Variants in CRTAC1 observed in about 807,000 individuals in gnomAD.
The protein encoded by CRTAC1 is acidic secreted protein in cartilage.
In CRTAC1, 37 loss-of-function variants were observed where a neutral mutation model predicts 67.8. The observed-to-expected ratio is 0.55, with a 90% CI of 0.42 to 0.72. The LOEUF is 0.72. CRTAC1 is among the 30% of genes least tolerant of loss of function. The pLI is 0.00. For missense variants in CRTAC1, 780 were observed against 931.6 expected, an observed-to-expected ratio of 0.84 and a Z score of 2.12; for synonymous variants, 348 against 371.0, an observed-to-expected ratio of 0.94 and a Z score of 0.71.
chr10:97,944,866 C>A (rs1439513849), intron 2 of CRTAC1, among the ~76,000 whole-genome samples: 1 of 152,158 alleles, frequency 6.6e-6, no homozygotes, highest in Non-Finnish European at 1.5e-5. Flanking sequence ...TGAAAGAGCA[C>A]CAAGGCATCT....
intron 5 of CRTAC1, among the ~76,000 whole-genome samples, chr10:97,912,234 G>A (rs982393563): frequency 6.6e-6 from 1 of 152,232 alleles, no homozygotes; most frequent in Non-Finnish European, 1.5e-5. Context: ...CCTGCTGGGT[G>A]AATAATATCC....
At chr10:97,981,245 GAAAC>G (rs2051886612) in intron 2 of CRTAC1, among the ~76,000 whole-genome samples, 1 of 152,110 alleles carries the variant, frequency 6.6e-6, no homozygotes, top group Non-Finnish European at 1.5e-5. Context: ...ACAAAAATTA[GAAAC>G]AAACAGAAAG....
intron 2 of CRTAC1, among the ~76,000 whole-genome samples, chr10:97,997,981 T>C (rs538666194): frequency 6.6e-6 from 1 of 152,144 alleles, no homozygotes; most frequent in South Asian, 2.1e-4. Flanking sequence ...AGACTTGCTT[T>C]TTTTTTGAGA....
At chr10:97,990,848 A>G (rs1019935883) in intron 2 of CRTAC1, among the ~76,000 whole-genome samples, 8 of 152,212 alleles carry the variant, frequency 5.3e-5, no homozygotes, top group African/African-American at 1.9e-4. Context: ...ATTCATAGGA[A>G]ACTAAGTAAA....
At position 97,938,309 on chromosome 10, in the gene CRTAC1, C is replaced by T. The variant is rs200678738; in HGVS notation, c.225-1943G>A. On this transcript the variant is annotated intron_variant, in intron 2 of 14. Transcript: ENST00000370597. ...AGGAAGTGCCTGTGAGGGCTGAACA[C>T]GAGTCTTGCAAGCCTTGGGGTCTTC... is the stretch of plus-strand genomic sequence containing the variant. Among the ~76,000 whole-genome samples the T allele has an allele frequency of 1.2e-4, 18 of 152,296 alleles. No homozygotes were observed. The East Asian group carries it at 2.1e-3, about 18-fold the overall frequency.
rs936347299 is a variant in CRTAC1 at position 98,030,081 on chromosome 10, C to T, written c.24+368G>A. 2.0e-5 allele frequency among the ~76,000 whole-genome samples: 3 copies of T among 152,130 alleles called. No homozygotes were observed. Among genetic ancestry groups the T allele is most frequent in the African/African-American group, 7.2e-5 (3 of 41,442 alleles). ...GGGAGACTCTCCCGATAGCCCGGCA[C>T]ATCCCTCCTCACCCGCTCCGCCCCC... On this transcript the variant is annotated intron_variant, in intron 1 of 14. Coordinates refer to ENST00000370597, the MANE Select transcript of CRTAC1 (RefSeq NM_018058.7). This position sits in a 1 kb window ranked among gnomAD's most constrained non-coding sequence, Gnocchi z 4.2.
chr10:97,902,918 A>G (rs910608737), intron 7 of CRTAC1, among the ~76,000 whole-genome samples: 1 of 151,928 alleles, frequency 6.6e-6, no homozygotes, highest in Non-Finnish European at 1.5e-5. Flanking sequence ...GCTGGGCCTT[A>G]AGAGCCAGGG....
chr10:98,030,254 G>A lies in CRTAC1; in HGVS notation c.24+195C>T, dbSNP rs1399001218. Among the ~76,000 whole-genome samples, 2 of 152,022 alleles carry A rather than the reference G, an allele frequency of 1.3e-5. No individual in the cohort carries two copies. The highest frequency in any genetic ancestry group is 2.4e-5 in the African/African-American group (1 of 41,416). On this transcript the variant is annotated intron_variant, in intron 1 of 14. Coordinates refer to ENST00000370597, the MANE Select transcript of CRTAC1 (RefSeq NM_018058.7). The surrounding 1 kb of genome is among the most constrained non-coding windows in gnomAD (Gnocchi z 4.2). ...GGCCGCCGCCTCACCCCCAGCCCGC[G>A]GGGGAGGCTCCGCGCGCCAATCGAG...
chr10:97,887,664 C>CA (rs1432576970), intron 11 of CRTAC1, among the ~76,000 whole-genome samples: 1 of 152,218 alleles, frequency 6.6e-6, no homozygotes, highest in African/African-American at 2.4e-5. Context: ...CCTCCTCTGC[C>CA]ACTGTGTTTT....
chr10:97,987,994 T>C (rs996421792), intron 2 of CRTAC1, among the ~76,000 whole-genome samples: 8 of 152,190 alleles, frequency 5.3e-5, no homozygotes, highest in Non-Finnish European at 8.8e-5. Context: ...GCTGGGAAGA[T>C]ATATGCCAGG....
chr10:97,998,956 G>T lies in CRTAC1; in HGVS notation c.224+12182C>A, dbSNP rs1326475400. Among the ~76,000 whole-genome samples, 3 of 152,116 alleles carry T rather than the reference G, an allele frequency of 2.0e-5. No homozygotes were observed. In the East Asian group the frequency reaches 5.8e-4, roughly 29 times the overall value. ...AAAGTAAACCTCTAAAAAAACAAAA[G>T]TAGAGGTATAAATCCCAAATCAATA... On this transcript the variant is annotated intron_variant, in intron 2 of 14. Coordinates refer to ENST00000370597, the MANE Select transcript of CRTAC1 (RefSeq NM_018058.7).
chr10:97,966,998 C>G (rs949282546), intron 2 of CRTAC1, among the ~76,000 whole-genome samples: 17 of 149,888 alleles, frequency 1.1e-4, no homozygotes, highest in Admixed American at 8.0e-4. Flanking sequence ...AAGTCACCCC[C>G]CCCCCCCCGA....
chr10:97,938,004 G>A (rs964484797), intron 2 of CRTAC1, among the ~76,000 whole-genome samples: 3 of 152,212 alleles, frequency 2.0e-5, no homozygotes, highest in African/African-American at 7.2e-5. Flanking sequence ...AGTCTGGCCC[G>A]CTGCATCATC....
At chr10:97,889,460 G>C (rs543360888) in intron 11 of CRTAC1, among the ~76,000 whole-genome samples, 6 of 150,010 alleles carry the variant, frequency 4.0e-5, no homozygotes, top group Non-Finnish European at 7.4e-5. Context: ...TGGTGGGGGG[G>C]GGTCCACTGA....
At chr10:97,900,849 G>A (rs1451154299) in intron 8 of CRTAC1, among the ~76,000 whole-genome samples, 1 of 109,826 alleles carries the variant, frequency 9.1e-6, no homozygotes, top group Non-Finnish European at 1.8e-5. Context: ...TTTCCTGGTA[G>A]TGATTGGACC....
chr10:97,962,280 C>A (rs2051538679), intron 2 of CRTAC1, among the ~76,000 whole-genome samples: 2 of 151,168 alleles, frequency 1.3e-5, no homozygotes, highest in South Asian at 2.1e-4. Flanking sequence ...AGATCACAGC[C>A]AACTACCTCG....
Position 97,961,379 on chromosome 10 carries a change from G to A in CRTAC1, c.225-25013C>T, listed in dbSNP as rs761823705. Reference sequence around the variant, plus strand: ...GACATCATTACTTAGGGGGGAAAACGTCATGAAAAACTCACAGAAATTACA... The same window carrying A: ...GACATCATTACTTAGGGGGGAAAACATCATGAAAAACTCACAGAAATTACA... On this transcript the variant is annotated intron_variant, in intron 2 of 14. Coordinates refer to ENST00000370597, the MANE Select transcript of CRTAC1 (RefSeq NM_018058.7). 4.0e-4 allele frequency among the ~76,000 whole-genome samples: 61 copies of A among 152,158 alleles called. 1 individual carries two copies. The highest frequency in any genetic ancestry group is 3.4e-3 in the Middle Eastern group (1 of 294).
At chr10:97,938,404 C>T (rs1330336262) in intron 2 of CRTAC1, among the ~76,000 whole-genome samples, 1 of 152,082 alleles carries the variant, frequency 6.6e-6, no homozygotes, top group African/African-American at 2.4e-5. Context: ...GTTAAAAGCA[C>T]CCTCATATGC....
At chr10:97,905,430 C>T (rs1483314316) in intron 6 of CRTAC1, among the ~76,000 whole-genome samples, 1 of 152,184 alleles carries the variant, frequency 6.6e-6, no homozygotes, top group Non-Finnish European at 1.5e-5. Flanking sequence ...AATGTCACTT[C>T]CTCCGGGAAG....
Sources: gnomAD v4.1 joint callset for allele counts (sites outside exome capture counted in the v4.1 genomes callset) on GRCh38, gnomAD v4.1.1 for gene constraint, Gnocchi (gnomAD v3.1) non-coding constraint, MANE v1.5 for transcripts, NCBI Gene and HGNC (gene_info 2026-07-23, HGNC 2026-07-21) for gene names.